PAWR: variants seen among roughly 807,000 people sequenced by gnomAD.
PAWR encodes pro-apoptotic WT1 regulator.
In PAWR, 23 loss-of-function variants were observed where a neutral mutation model predicts 32.0. The observed-to-expected ratio is 0.72, with a 90% CI of 0.52 to 1.02. The LOEUF (loss-of-function observed/expected upper bound fraction) is 1.02. Ranked by LOEUF, PAWR falls within the 50% of genes least tolerant of loss-of-function variation. The pLI is 0.00. For synonymous variants in PAWR, 226 were observed against 187.1 expected (o/e 1.21, Z -1.70); for missense variants, 457 against 437.7 (o/e 1.04, Z -0.39).
intron 2 of PAWR, among the ~76,000 whole-genome samples, chr12:79,683,014 T>C (rs1878516850): frequency 6.6e-6 from 1 of 152,140 alleles, no homozygotes; most frequent in Non-Finnish European, 1.5e-5. Flanking sequence ...TAAAAATGAG[T>C]GAAAGTAAAG....
intron 2 of PAWR, among the ~76,000 whole-genome samples, chr12:79,660,812 G>A (rs916845025): frequency 6.6e-6 from 1 of 151,752 alleles, no homozygotes; most frequent in Non-Finnish European, 1.5e-5. Context: ...TTGAACTCCT[G>A]AACTGAGCTG....
rs1398339369 is a variant in PAWR at position 79,690,127 on chromosome 12, C to G, written c.118G>C (p.Ala40Pro). 1.6e-5 allele frequency: 24 copies of G among 1,502,954 alleles called. No individual in the cohort carries two copies. Among genetic ancestry groups the G allele is most frequent in the Admixed American group, 4.2e-5 (2 of 47,494 alleles). The allele number at this position is 1,502,954 out of a possible 1,614,324, so 93.1% of individuals were successfully genotyped here. Residue 40 changes from alanine (A) to proline (P), a missense_variant, in exon 2 of 7, where the codon GCC becomes CCC. Coordinates refer to ENST00000328827, the MANE Select transcript of PAWR (RefSeq NM_002583.4). ...TCGCTGCTGCCCCCTCCCGGGGGGG[C>G]CGGGCCCGGGGGGTTCTGCTTGGCG... ...MRAKQNPPGPAPPGGGSSDAA... is the reference protein window; with the variant it reads ...MRAKQNPPGPPPPGGGSSDAA...
rs1873504525 is a variant in PAWR, at chr12:79,590,121, A to G, written c.*2486T>C. ...AGGCTCCTGTCTTTACGCTATCATTAAAGGCCAAAAAAATCACTGCTAGAA... is the reference window on the plus strand; with the variant it reads ...AGGCTCCTGTCTTTACGCTATCATTGAAGGCCAAAAAAATCACTGCTAGAA... On this transcript the variant is annotated 3_prime_UTR_variant, in exon 7 of 7. Transcript: ENST00000328827. 2 of 152,168 alleles carry G rather than the reference A, an allele frequency of 1.3e-5. No individual in the cohort carries two copies. Among genetic ancestry groups the G allele is most frequent in the South Asian group, 4.1e-4 (2 of 4,826 alleles). 9.4% of individuals were successfully genotyped at this position (152,168 alleles called of 1,614,324 possible). A position where few individuals can be genotyped will look rare whatever the true frequency, so the allele number is the denominator to read the frequency against.
intron 2 of PAWR, among the ~76,000 whole-genome samples, chr12:79,631,073 C>T (rs1875602319): frequency 6.6e-6 from 1 of 152,070 alleles, no homozygotes; most frequent in Non-Finnish European, 1.5e-5. Context: ...TATATAATCA[C>T]CAATACATTA....
At position 79,591,537 on chromosome 12, in the gene PAWR, A is replaced by T. The variant is rs1333428482; in HGVS notation, c.*1070T>A. On this transcript the variant is annotated 3_prime_UTR_variant, in exon 7 of 7. Coordinates refer to ENST00000328827, the MANE Select transcript of PAWR (RefSeq NM_002583.4). ...AATAATAATATTTAATAGAAGAAAA[A>T]ATCTGTATAATTATTTAGAAGTAAC... 1 of 152,144 alleles carries T rather than the reference A, an allele frequency of 6.6e-6. No homozygotes were observed. The highest frequency in any genetic ancestry group is 1.5e-5 in the Non-Finnish European group (1 of 68,018). 9.4% of individuals were successfully genotyped at this position (152,144 alleles called of 1,614,324 possible). A position where few individuals can be genotyped will look rare whatever the true frequency, so the allele number is the denominator to read the frequency against.
rs1873570968 is a variant in PAWR, at chr12:79,591,965, T to C, written c.*642A>G. 2 of 152,586 alleles carry C rather than the reference T, an allele frequency of 1.3e-5. No individual in the cohort carries two copies. Among genetic ancestry groups the C allele is most frequent in the African/African-American group, 2.4e-5 (1 of 41,454 alleles). 9.5% of individuals were successfully genotyped at this position (152,586 alleles called of 1,614,324 possible). On this transcript the variant is annotated 3_prime_UTR_variant, in exon 7 of 7. Coordinates refer to ENST00000328827, the MANE Select transcript of PAWR (RefSeq NM_002583.4). ...GTTAAAGTGATTCAATTTTTCAATATTCAAACACAAAATAGTAAATTTTTA... is the reference window on the plus strand; with the variant it reads ...GTTAAAGTGATTCAATTTTTCAATACTCAAACACAAAATAGTAAATTTTTA...
At chr12:79,668,702 G>A (rs1391476903) in intron 2 of PAWR, among the ~76,000 whole-genome samples, 1 of 152,154 alleles carries the variant, frequency 6.6e-6, no homozygotes, top group Non-Finnish European at 1.5e-5. Context: ...GCAGAGCCCA[G>A]GCAGTAATGC....
intron 2 of PAWR, among the ~76,000 whole-genome samples, chr12:79,679,407 A>G (rs545592349): frequency 6.6e-6 from 1 of 152,334 alleles, no homozygotes; most frequent in East Asian, 1.9e-4. Flanking sequence ...CTGGTACAAA[A>G]AAAAGGTCAC....
chr12:79,646,899 C>T (rs537013654), intron 2 of PAWR, among the ~76,000 whole-genome samples: 6 of 152,138 alleles, frequency 3.9e-5, no homozygotes, highest in Non-Finnish European at 7.4e-5. Flanking sequence ...GCATTTTGGC[C>T]GGGCACGGTG....
chr12:79,604,861 C>T, intron 4 of PAWR: 1 of 270,546 alleles, frequency 3.7e-6, no homozygotes, highest in Non-Finnish European at 6.9e-6. Context: ...AAATGAGTGT[C>T]ATCAGTAATT....
At chr12:79,612,837 A>G (rs1250163718) in intron 4 of PAWR, among the ~76,000 whole-genome samples, 2 of 152,274 alleles carry the variant, frequency 1.3e-5, no homozygotes, top group East Asian at 1.9e-4. Flanking sequence ...CTTGTACCCA[A>G]TTCTGATTTT....
At chr12:79,690,679 G>A (rs2136909716) in intron 1 of PAWR, 193 bp downstream of exon 1, 1 of 153,556 alleles carries the variant, frequency 6.5e-6, no homozygotes, top group African/African-American at 2.4e-5. Context: ...CGAGATACTA[G>A]GGCTAGACCC....
chr12:79,683,660 G>A lies in PAWR; in HGVS notation c.516+6069C>T, dbSNP rs555745460. Among the ~76,000 whole-genome samples the A allele has an allele frequency of 7.3e-5, 11 of 150,944 alleles. No homozygotes were observed. The East Asian group carries it at 1.9e-3, about 27-fold the overall frequency. On this transcript the variant is annotated intron_variant, in intron 2 of 6. Transcript: ENST00000328827. The stretch of plus-strand genomic sequence containing the variant: ...TGTTCCCAAATGTTTAGATGACAGA[G>A]CTTTGCAGATCTCCATGAAAGATAT...
chr12:79,592,317 G>A lies in PAWR; in HGVS notation c.*290C>T, dbSNP rs1460458646. Reference sequence around the variant, plus strand: ...CTACCAAGATAAAATATATTCAAACGGCTGTGACTTTAAACCATGTATTAG... The same window carrying A: ...CTACCAAGATAAAATATATTCAAACAGCTGTGACTTTAAACCATGTATTAG... On this transcript the variant is annotated 3_prime_UTR_variant, in exon 7 of 7. Transcript: ENST00000328827. 2 of 283,180 alleles carry A rather than the reference G, an allele frequency of 7.1e-6. No homozygotes were observed. Among genetic ancestry groups the A allele is most frequent in the South Asian group, 4.8e-5 (1 of 20,892 alleles). 17.5% of individuals were successfully genotyped at this position (283,180 alleles called of 1,614,324 possible).
At chr12:79,597,303 G>A (rs558739081) in intron 4 of PAWR, among the ~76,000 whole-genome samples, 7 of 152,046 alleles carry the variant, frequency 4.6e-5, no homozygotes, top group East Asian at 1.9e-4. Context: ...GGGCTCAAGC[G>A]ATCCACCCAC....
chr12:79,657,387 G>A (rs1216333195), intron 2 of PAWR, among the ~76,000 whole-genome samples: 2 of 151,048 alleles, frequency 1.3e-5, no homozygotes, highest in African/African-American at 4.9e-5. Flanking sequence ...AAAAAATGCA[G>A]TTTACTGTAG....
Position 79,592,351 on chromosome 12 carries a change from C to T in PAWR, c.*256G>A. The T allele has an allele frequency of 2.8e-6, 1 of 351,626 alleles. No individual in the cohort carries two copies. Among genetic ancestry groups the T allele is most frequent in the Non-Finnish European group, 5.1e-6 (1 of 196,650 alleles). 21.8% of individuals were successfully genotyped at this position (351,626 alleles called of 1,614,324 possible). A position where few individuals can be genotyped will look rare whatever the true frequency, so the allele number is the denominator to read the frequency against. On this transcript the variant is annotated 3_prime_UTR_variant, in exon 7 of 7. Coordinates refer to ENST00000328827, the MANE Select transcript of PAWR (RefSeq NM_002583.4). ...TTTAAACCATGTATTAGTTGAATAC[C>T]ACACAAAACCAAAAAGGCATTATCT...
At chr12:79,594,700 CGT>C (rs34121968) in intron 5 of PAWR, among the ~76,000 whole-genome samples, 15,635 of 148,070 alleles carry the variant, frequency 0.11, 876 homozygotes, top group Non-Finnish European at 0.13. Context: ...GATTTAACCT[CGT>C]GTGTGTGTGT....
chr12:79,614,807 A>T (rs1164207002), intron 3 of PAWR, among the ~76,000 whole-genome samples: 4 of 152,226 alleles, frequency 2.6e-5, no homozygotes, highest in African/African-American at 9.6e-5. Context: ...ATGCGATAAA[A>T]GACTAGCAAT....
Sources: allele counts gnomAD v4.1 joint callset (sites outside exome capture counted in the v4.1 genomes callset), GRCh38; gene constraint gnomAD v4.1.1; transcripts MANE v1.5; gene names NCBI Gene and HGNC (gene_info 2026-07-23, HGNC 2026-07-21).